Variants in THADA observed in about 807,000 individuals in gnomAD.
The protein encoded by THADA is tRNA (32-2'-O)-methyltransferase regulator THADA.
Under a neutral mutation model 219.8 loss-of-function variants are expected in THADA, and 213 were observed. That is an observed-to-expected ratio of 0.97 (90% confidence interval 0.87 to 1.09). The LOEUF (loss-of-function observed/expected upper bound fraction) is 1.09, where lower values mean the gene tolerates loss of function less well. THADA is among the 50% of genes least tolerant of loss of function. THADA has a pLI of 0.00. For missense variants in THADA, 2,956 were observed against 2,311.3 expected, an observed-to-expected ratio of 1.28 and a Z score of -5.72; for synonymous variants, 1,018 against 828.9, an observed-to-expected ratio of 1.23 and a Z score of -3.92.
chr2:43,439,297 A>C (rs1180080505), intron 26 of THADA, among the ~76,000 whole-genome samples: 1 of 152,144 alleles, frequency 6.6e-6, no homozygotes, highest in Non-Finnish European at 1.5e-5. Flanking sequence ...GAAAGATCAC[A>C]CTCGTTTAAC....
At chr2:43,465,194 G>T (rs921837086) in intron 26 of THADA, among the ~76,000 whole-genome samples, 3 of 152,152 alleles carry the variant, frequency 2.0e-5, no homozygotes, top group Admixed American at 6.5e-5. Flanking sequence ...AATGAAAATG[G>T]AGGTTAGCTA....
At chr2:43,447,953 T>C (rs1046108191) in intron 26 of THADA, among the ~76,000 whole-genome samples, 1 of 152,212 alleles carries the variant, frequency 6.6e-6, no homozygotes, top group African/African-American at 2.4e-5. Flanking sequence ...GCTTAGAGAT[T>C]TGTCTCTATG....
chr2:43,480,181 T>A (rs1429564714), intron 26 of THADA, among the ~76,000 whole-genome samples: 2 of 152,212 alleles, frequency 1.3e-5, no homozygotes, highest in East Asian at 3.9e-4. Context: ...TAGCTAAACC[T>A]CATGAGCCTT....
intron 26 of THADA, among the ~76,000 whole-genome samples, chr2:43,483,190 G>A (rs1006588927): frequency 5.3e-5 from 8 of 152,246 alleles, no homozygotes; most frequent in East Asian, 3.9e-4. Context: ...TTAGTTATCC[G>A]GTGGATAAGT....
chr2:43,310,226 G>GCC (rs71410163), intron 31 of THADA, among the ~76,000 whole-genome samples: 3,117 of 53,904 alleles, frequency 0.058, 86 homozygotes, highest in Middle Eastern at 0.095. Flanking sequence ...TCCCTTTCCC[G>GCC]CCCCCCCCCC....
intron 30 of THADA, chr2:43,343,738 CA>C: frequency 6.4e-6 from 1 of 157,444 alleles, no homozygotes; most frequent in Non-Finnish European, 1.4e-5. Context: ...AGTGCCTGCT[CA>C]AGCCTACAGC....
rs768798061 is a variant in THADA at position 43,292,185 on chromosome 2, C to T, written c.4856G>A (p.Trp1619Ter). The T allele has an allele frequency of 1.9e-6, 3 of 1,611,876 alleles. No homozygotes were observed. Residue 1619 changes from tryptophan (W) to a stop codon, truncating the protein, a stop_gained, in exon 33 of 38, where the codon TGG becomes TAG. Transcript: ENST00000405975. LOFTEE classifies it high-confidence loss of function. The part of the protein sequence containing the change: ...KILHCMDPGE[W>*]LPQTEHCVHL... The stretch of plus-strand genomic sequence containing the variant: ...GACACAGTGCTCCGTCTGGGGAAGC[C>T]ACTCACCAGGGTCCATGCAGTGGAG...
chr2:43,534,967 G>A (rs1345798056), intron 21 of THADA, among the ~76,000 whole-genome samples: 1 of 152,004 alleles, frequency 6.6e-6, no homozygotes, highest in Non-Finnish European at 1.5e-5. Flanking sequence ...CACCAATAGG[G>A]TGTAAGAGTT....
At chr2:43,582,445 C>T (rs968806334) in intron 7 of THADA, among the ~76,000 whole-genome samples, 5 of 148,178 alleles carry the variant, frequency 3.4e-5, no homozygotes, top group Non-Finnish European at 5.9e-5. Context: ...TGCAGTGAGC[C>T]GAGATGGCAC....
At chr2:43,399,362 A>G (rs1674494544) in intron 28 of THADA, among the ~76,000 whole-genome samples, 1 of 152,240 alleles carries the variant, frequency 6.6e-6, no homozygotes, top group African/African-American at 2.4e-5. Flanking sequence ...CATTAGGGCT[A>G]CATGGCCATG....
chr2:43,556,620 A>AT, intron 16 of THADA, 65 bp from the exon 17 acceptor site: 2 of 1,464,732 alleles, frequency 1.4e-6, no homozygotes, highest in Non-Finnish European at 1.8e-6. Context: ...AAAAATAGTA[A>AT]ATTTTTTAAA....
chr2:43,434,192 G>A (rs181356390), intron 26 of THADA, among the ~76,000 whole-genome samples: 4 of 152,280 alleles, frequency 2.6e-5, no homozygotes, highest in East Asian at 3.9e-4. Flanking sequence ...ATTAATACAC[G>A]TATAAAACTT....
At chr2:43,337,546 G>A (rs1666599347) in intron 30 of THADA, among the ~76,000 whole-genome samples, 1 of 152,108 alleles carries the variant, frequency 6.6e-6, no homozygotes, top group African/African-American at 2.4e-5. Context: ...TTTGGTGGAG[G>A]TCTCTCACGC....
chr2:43,501,748 A>G (rs1294121709), intron 24 of THADA, among the ~76,000 whole-genome samples: 1 of 152,212 alleles, frequency 6.6e-6, no homozygotes, highest in Non-Finnish European at 1.5e-5. Context: ...GTTCAAGACC[A>G]GTCTGGCCAA....
In THADA at chr2:43,232,820, C is replaced by G. The variant is rs1667599226; in HGVS notation, c.5359G>C (p.Asp1787His). 3.1e-6 allele frequency: 5 copies of G among 1,613,060 alleles called. No homozygotes were observed. In the East Asian group the frequency reaches 1.1e-4, roughly 36 times the overall value. The change falls in exon 37 of 38, where the codon GAT becomes CAT. Residue 1787 changes from aspartate to histidine, a missense_variant. Physicochemically the swap from Asp to His is moderately conservative, Grantham distance 81. Coordinates refer to ENST00000405975, the MANE Select transcript of THADA (RefSeq NM_022065.5). ...ALALALAVLC[D>H]LLQQWDQLAP... ...AACTGGTCCCACTGCTGGAGCAGAT[C>G]ACACAGGACGGCCAGGGCCAGGGCC...
At chr2:43,283,154 C>A (rs1043092657) in intron 35 of THADA, among the ~76,000 whole-genome samples, 1 of 152,202 alleles carries the variant, frequency 6.6e-6, no homozygotes, top group Non-Finnish European at 1.5e-5. Context: ...TGCCTTGCTT[C>A]CCCTTTGCCT....
intron 22 of THADA, among the ~76,000 whole-genome samples, chr2:43,509,617 G>A (rs974151297): frequency 3.3e-5 from 5 of 152,088 alleles, no homozygotes; most frequent in African/African-American, 1.2e-4. Flanking sequence ...TTTACAGTGA[G>A]AATTAGATCT....
chr2:43,592,059 T>C lies in THADA; in HGVS notation c.77-13A>G, dbSNP rs1473368043. The C allele has an allele frequency of 7.2e-6, 11 of 1,520,572 alleles. No individual in the cohort carries two copies. The highest frequency in any genetic ancestry group is 5.3e-6 in the Non-Finnish European group (6 of 1,135,020). 94.2% of individuals were successfully genotyped at this position (1,520,572 alleles called of 1,614,324 possible). On this transcript the variant is annotated splice_polypyrimidine_tract_variant and intron_variant, in intron 2 of 37. Coordinates refer to ENST00000405975, the MANE Select transcript of THADA (RefSeq NM_022065.5). ...ACATCAGCAAAAGCTATATAACATA[T>C]ACAAAAAAAAATTTTCAATGATTTA...
At chr2:43,385,979 G>C (rs918316650) in intron 29 of THADA, among the ~76,000 whole-genome samples, 7 of 151,610 alleles carry the variant, frequency 4.6e-5, no homozygotes, top group Non-Finnish European at 8.8e-5. Context: ...ACTTTATAAA[G>C]ATTAAAAAGG....
Sources: allele counts gnomAD v4.1 joint callset (sites outside exome capture counted in the v4.1 genomes callset), GRCh38; gene constraint gnomAD v4.1.1; transcripts MANE v1.5; gene names NCBI Gene and HGNC (gene_info 2026-07-23, HGNC 2026-07-21).